The following PRKCE variants were observed in gnomAD, a reference collection of about 807,000 sequenced individuals.
PRKCE encodes protein kinase C epsilon, also known as protein kinase C epsilon type.
In PRKCE, 16 loss-of-function variants were observed where a neutral mutation model predicts 85.4. That is an observed-to-expected ratio of 0.19 (90% confidence interval 0.13 to 0.28). PRKCE has a LOEUF of 0.28. Among genes scored for constraint, PRKCE ranks in the 10% least tolerant of loss-of-function variants. The pLI, the probability that PRKCE is intolerant of heterozygous loss-of-function variation, is 1.00. For synonymous variants in PRKCE, 388 were observed against 371.5 expected, an observed-to-expected ratio of 1.04 and a Z score of -0.51; for missense variants, 573 against 975.2, an observed-to-expected ratio of 0.59 and a Z score of 5.49.
At chr2:45,741,404 A>G (rs1558619220) in intron 1 of PRKCE, among the ~76,000 whole-genome samples, 1 of 152,230 alleles carries the variant, frequency 6.6e-6, no homozygotes, top group Non-Finnish European at 1.5e-5. Flanking sequence ...AGTTGTAGGC[A>G]GTAAGACAGG....
chr2:45,779,524 C>T (rs547906049), intron 1 of PRKCE, among the ~76,000 whole-genome samples: 1 of 151,582 alleles, frequency 6.6e-6, no homozygotes, highest in Admixed American at 6.6e-5. Context: ...ACTGCGACTA[C>T]TTCCTTGCTC....
chr2:46,145,781 T>A lies in PRKCE; in HGVS notation c.1731+550T>A, dbSNP rs1676015772. ...TACTTGGGAGGCTGAGGTGAAAGGA[T>A]CAATTGAGCCCAGAAGGTTGAGGCT... On this transcript the variant is annotated intron_variant, in intron 12 of 14. Transcript: ENST00000306156. The surrounding 1 kb of genome is among the most constrained non-coding windows in gnomAD (Gnocchi z 4.6). Among the ~76,000 whole-genome samples the A allele has an allele frequency of 6.6e-6, 1 of 151,946 alleles. No homozygotes were observed. Among genetic ancestry groups the A allele is most frequent in the African/African-American group, 2.4e-5 (1 of 41,362 alleles).
intron 10 of PRKCE, among the ~76,000 whole-genome samples, chr2:46,082,458 A>T (rs1358527986): frequency 1.3e-5 from 2 of 152,096 alleles, no homozygotes; most frequent in Admixed American, 1.3e-4. Flanking sequence ...TCATTGGGGT[A>T]GATCGTGAAG....
chr2:45,806,549 G>A (rs188147310), intron 1 of PRKCE, among the ~76,000 whole-genome samples: 4 of 152,284 alleles, frequency 2.6e-5, no homozygotes, highest in Non-Finnish European at 4.4e-5. Flanking sequence ...TTTTCATCTT[G>A]TAGAACCGTA....
chr2:45,682,003 T>A (rs1020001721), intron 1 of PRKCE, among the ~76,000 whole-genome samples: 6 of 152,238 alleles, frequency 3.9e-5, no homozygotes, highest in Admixed American at 6.5e-5. Flanking sequence ...TCTTCACCAG[T>A]GCTCTTTATG....
intron 2 of PRKCE, among the ~76,000 whole-genome samples, chr2:45,945,530 A>G (rs1440169410): frequency 6.6e-6 from 1 of 152,184 alleles, no homozygotes; most frequent in Non-Finnish European, 1.5e-5. Flanking sequence ...ACACTTCAAC[A>G]TCAGATTTGG....
chr2:45,994,619 A>T (rs907384784), intron 6 of PRKCE, among the ~76,000 whole-genome samples: 10 of 152,054 alleles, frequency 6.6e-5, no homozygotes, highest in Admixed American at 3.3e-4. Context: ...ACAGTTGCTA[A>T]CTCACTTCTT....
At position 45,895,737 on chromosome 2, in the gene PRKCE, G is replaced by A. The variant is rs1250270497; in HGVS notation, c.412+52674G>A. 6.6e-5 allele frequency among the ~76,000 whole-genome samples: 10 copies of A among 152,210 alleles called. No individual in the cohort carries two copies. Among genetic ancestry groups the A allele is most frequent in the Admixed American group, 5.2e-4 (8 of 15,284 alleles). On this transcript the variant is annotated intron_variant, in intron 2 of 14. Transcript: ENST00000306156. The surrounding 1 kb of genome is among the most constrained non-coding windows in gnomAD (Gnocchi z 4.8). ...GGGGCTGGGGCAATCCAGTGGAAAA[G>A]GATGGTCTCAATCTCAGTGCAGTAG...
intron 1 of PRKCE, among the ~76,000 whole-genome samples, chr2:45,791,299 G>C (rs1291521421): frequency 6.6e-6 from 1 of 152,194 alleles, no homozygotes; most frequent in Admixed American, 6.5e-5. Context: ...AACAGAACGC[G>C]AGAGATGGAA....
chr2:45,876,390 A>G (rs1694480931), intron 2 of PRKCE, among the ~76,000 whole-genome samples: 2 of 152,162 alleles, frequency 1.3e-5, no homozygotes, highest in African/African-American at 4.8e-5. Flanking sequence ...ATCACTTCCC[A>G]ATGATCCCAA....
intron 1 of PRKCE, among the ~76,000 whole-genome samples, chr2:45,734,242 G>A (rs115886496): frequency 0.02 from 3,018 of 152,160 alleles, 92 homozygotes; most frequent in African/African-American, 0.068. Context: ...GCGTGCACCC[G>A]TAGTCCTAGC....
intron 12 of PRKCE, among the ~76,000 whole-genome samples, chr2:46,149,957 A>G (rs1558504966): frequency 6.6e-6 from 1 of 151,868 alleles, no homozygotes; most frequent in East Asian, 1.9e-4. Flanking sequence ...CCCGGGCTCA[A>G]GTGATTTTTC....
chr2:45,872,442 G>A (rs1208513772), intron 2 of PRKCE, among the ~76,000 whole-genome samples: 4 of 152,288 alleles, frequency 2.6e-5, no homozygotes, highest in Non-Finnish European at 5.9e-5. Context: ...AGCTGGAGTC[G>A]TAGGAGGGCT....
intron 1 of PRKCE, among the ~76,000 whole-genome samples, chr2:45,753,022 G>T (rs1683711120): frequency 6.6e-6 from 1 of 152,150 alleles, no homozygotes; most frequent in Admixed American, 6.5e-5. Flanking sequence ...AGACTGTATT[G>T]TTTTGTTTCT....
chr2:45,869,822 C>G (rs540024284), intron 2 of PRKCE, among the ~76,000 whole-genome samples: 1 of 149,416 alleles, frequency 6.7e-6, no homozygotes, highest in South Asian at 2.1e-4. Context: ...ATTCTCCTGG[C>G]TCAGCCTCCC....
intron 10 of PRKCE, among the ~76,000 whole-genome samples, chr2:46,030,051 C>G (rs757173396): frequency 6.6e-6 from 1 of 152,168 alleles, no homozygotes; most frequent in South Asian, 2.1e-4. Context: ...CTATTTCCCA[C>G]CAGGGAGTAA....
chr2:45,829,792 G>A (rs920363321), intron 1 of PRKCE, among the ~76,000 whole-genome samples: 6 of 152,114 alleles, frequency 3.9e-5, no homozygotes, highest in East Asian at 3.9e-4. Flanking sequence ...TGGAAGGCTC[G>A]GCCGGGCGCG....
At chr2:46,054,879 C>T (rs1346628631) in intron 10 of PRKCE, among the ~76,000 whole-genome samples, 1 of 152,096 alleles carries the variant, frequency 6.6e-6, no homozygotes, top group East Asian at 1.9e-4. Flanking sequence ...TATGGGCGGA[C>T]ATTGGAGAGA....
chr2:45,798,055 C>G (rs941323984), intron 1 of PRKCE, among the ~76,000 whole-genome samples: 1 of 152,160 alleles, frequency 6.6e-6, no homozygotes, highest in African/African-American at 2.4e-5. Context: ...AACCCAGGAG[C>G]CAGCTCCTTG....
Sources: gnomAD v4.1 joint callset for allele counts (sites outside exome capture counted in the v4.1 genomes callset) on GRCh38, gnomAD v4.1.1 for gene constraint, Gnocchi (gnomAD v3.1) non-coding constraint, MANE v1.5 for transcripts, NCBI Gene and HGNC (gene_info 2026-07-23, HGNC 2026-07-21) for gene names.